MIA3: variants seen among roughly 807,000 people sequenced by gnomAD.
MIA3 encodes the protein MIA SH3 domain ER export factor 3.
MIA3 carries 90 observed loss-of-function variants against 192.4 expected under a neutral mutation model. The observed-to-expected ratio is 0.47, with a 90% CI of 0.39 to 0.56. The LOEUF (loss-of-function observed/expected upper bound fraction) is 0.56, where lower values mean the gene tolerates loss of function less well. MIA3 is among the 20% of genes least tolerant of loss of function. The pLI is 0.00. For synonymous variants in MIA3, 740 were observed against 792.8 expected (o/e 0.93, Z 1.12); for missense variants, 2,123 against 2,269.4 (o/e 0.94, Z 1.31).
intron 24 of MIA3, 77 bp from the exon 25 acceptor site, chr1:222,661,979 C>CTT (rs1664036857): frequency 1.7e-6 from 2 of 1,181,892 alleles, no homozygotes; most frequent in Admixed American, 2.2e-5. Context: ...CCAGATAAGA[C>CTT]TTGAACCCTG....
intron 6 of MIA3, among the ~76,000 whole-genome samples, chr1:222,635,285 C>A (rs895833123): frequency 2.6e-5 from 4 of 152,128 alleles, no homozygotes; most frequent in Admixed American, 2.6e-4. Context: ...AGAAGGAATT[C>A]TTTATTCATT....
chr1:222,636,231 C>G (rs968125989), intron 6 of MIA3, among the ~76,000 whole-genome samples: 2 of 152,076 alleles, frequency 1.3e-5, no homozygotes, highest in African/African-American at 4.8e-5. Flanking sequence ...AATTGTAATT[C>G]CTGATGATTA....
At chr1:222,646,050 G>A (rs1333648693) in intron 7 of MIA3, 1 of 180,252 alleles carries the variant, frequency 5.5e-6, no homozygotes, top group Non-Finnish European at 1.2e-5. Context: ...TTCATGATGT[G>A]TATGATAAGC....
intron 6 of MIA3, chr1:222,644,231 C>CCTCGG: frequency 7.9e-7 from 1 of 1,260,096 alleles, no homozygotes; most frequent in Non-Finnish European, 1.0e-6. Flanking sequence ...TAGTTGGTTC[C>CCTCGG]GTCCGCTCTG....
At chr1:222,647,900 G>T in intron 7 of MIA3, 2 of 366,640 alleles carry the variant, frequency 5.5e-6, no homozygotes, top group East Asian at 8.1e-5. Context: ...TTAGATACTG[G>T]AATTATTATG....
chr1:222,645,740 A>C (rs1398437788), intron 7 of MIA3, 55 bp downstream of exon 7: 1 of 1,498,392 alleles, frequency 6.7e-7, no homozygotes, highest in Non-Finnish European at 9.2e-7. Flanking sequence ...TTTTATAATC[A>C]CAGTCCTTTT....
Position 222,666,635 on chromosome 1 carries a change from G to A in MIA3, c.*1016G>A, listed in dbSNP as rs1664300472. On this transcript the variant is annotated 3_prime_UTR_variant, in exon 28 of 28. Coordinates refer to ENST00000344922, the MANE Select transcript of MIA3 (RefSeq NM_198551.4). ...CCATGAGAAAGAATGATTTAGGACT[G>A]TGAGGGTTATAACATGCCCTAGGTC... is the stretch of plus-strand genomic sequence containing the variant. The A allele has an allele frequency of 7.1e-6, 1 of 139,876 alleles. No individual in the cohort carries two copies. Among genetic ancestry groups the A allele is most frequent in the South Asian group, 2.2e-4 (1 of 4,474 alleles). The allele number at this position is 139,876 out of a possible 1,614,324, so 8.7% of individuals were successfully genotyped here. A position where few individuals can be genotyped will look rare whatever the true frequency, so the allele number is the denominator to read the frequency against.
Position 222,632,221 on chromosome 1 carries a change from G to A in MIA3, c.3226G>A (p.Val1076Met), listed in dbSNP as rs751376016. The change falls in exon 5 of 28, where the codon GTG (valine) becomes ATG (methionine). Residue 1076 changes from valine (V) to methionine (M), a missense_variant. Coordinates refer to ENST00000344922, the MANE Select transcript of MIA3 (RefSeq NM_198551.4). The stretch of plus-strand genomic sequence containing the variant: ...ACGAGAGAAGACAGCAGAACTTAAT[G>A]TGCAGGTTCCTGAAGAACCCACCCA... Reference protein sequence around the residue: ...FSREKTAELNVQVPEEPTHLD... With the variant: ...FSREKTAELNMQVPEEPTHLD... The A allele has an allele frequency of 3.7e-6, 6 of 1,614,180 alleles. No homozygotes were observed. In the Admixed American group the frequency reaches 6.7e-5, roughly 18 times the overall value.
chr1:222,660,246 C>A lies in MIA3; in HGVS notation c.5045C>A (p.Thr1682Lys). The A allele has an allele frequency of 6.2e-7, 1 of 1,613,646 alleles. No homozygotes were observed. The highest frequency in any genetic ancestry group is 8.5e-7 in the Non-Finnish European group (1 of 1,179,528). The change falls in exon 24 of 28, where the codon ACA becomes AAA. Residue 1682 changes from threonine (T) to lysine (K), a missense_variant. Physicochemically the swap from Thr to Lys is moderately conservative, Grantham distance 78 (BLOSUM62 -1). Around this residue, in one of 3 missense-constraint regions of MIA3, gnomAD observed 762 missense variants for 856.4 expected, o/e 0.89. Coordinates refer to ENST00000344922, the MANE Select transcript of MIA3 (RefSeq NM_198551.4). Reference protein sequence around the residue: ...VSGGECSPPLTVEPPVRPLSA... With the variant: ...VSGGECSPPLKVEPPVRPLSA... ...GGTGGAGAATGCTCCCCTCCATTGA[C>A]AGTGGAGCCACCCGTGAGACCTCTC...
chr1:222,625,657 C>T (rs1032535217), intron 3 of MIA3, among the ~76,000 whole-genome samples: 57 of 152,338 alleles, frequency 3.7e-4, no homozygotes, highest in African/African-American at 1.3e-3. Context: ...GCGCTAACTA[C>T]ACATTCTGTA....
At chr1:222,624,390 C>A (rs751736800) in intron 2 of MIA3, among the ~76,000 whole-genome samples, 2 of 152,190 alleles carry the variant, frequency 1.3e-5, no homozygotes, top group Non-Finnish European at 2.9e-5. Context: ...TAGTTCGTAG[C>A]CACCTCCTCT....
At chr1:222,650,427 ATTAT>A in intron 9 of MIA3, 47 bp downstream of exon 9, 1 of 1,051,014 alleles carries the variant, frequency 9.5e-7, no homozygotes, top group South Asian at 1.4e-5. Context: ...CCCAGCTTGA[ATTAT>A]TTGTCACCTA....
chr1:222,633,873 C>T (rs1194658753), intron 6 of MIA3, among the ~76,000 whole-genome samples: 1 of 151,554 alleles, frequency 6.6e-6, no homozygotes, highest in African/African-American at 2.4e-5. Flanking sequence ...TAAATTGAGA[C>T]AGGGTCTTGC....
chr1:222,659,912 A>G lies in MIA3; in HGVS notation c.4881A>G (p.Leu1627=), dbSNP rs1310637925. ...TTCTTTCTCTATATTCAAGATTATTAGAATTAACACAAAAGATGGCAATGC... is the reference window on the plus strand; with the variant it reads ...TTCTTTCTCTATATTCAAGATTATTGGAATTAACACAAAAGATGGCAATGC... ...REAANLRHKL[L]ELTQKMAMLQ... is the part of the protein sequence containing the mutation. Residue 1627 remains leucine (L), a synonymous_variant, in exon 23 of 28, where the codon TTA becomes TTG. Transcript: ENST00000344922. 4 of 1,611,642 alleles carry G rather than the reference A, an allele frequency of 2.5e-6. No homozygotes were observed. The African/African-American group carries it at 5.3e-5, about 22-fold the overall frequency.
chr1:222,641,876 C>T (rs981331746), intron 6 of MIA3: 1 of 466,276 alleles, frequency 2.1e-6, no homozygotes, highest in Admixed American at 2.4e-5. Context: ...TTTATAAAAG[C>T]CTAAAACTGG....
chr1:222,629,981 G>A lies in MIA3; in HGVS notation c.2761G>A (p.Glu921Lys). Residue 921 changes from glutamate (E) to lysine (K), a missense_variant, in exon 4 of 28, where the codon GAG becomes AAG. Physicochemically the swap from Glu to Lys is moderately conservative, Grantham distance 56. This residue lies in a region of MIA3 where 1,357 missense variants were observed against 1,396.1 expected (regional missense o/e 0.97). Transcript: ENST00000344922. ...SVEPGHSDKR[E>K]DLLIISSFFK... ...AGAGCCAGGGCATAGTGACAAGAGG[G>A]AGGACTTACTTATCATAAGCAGCTT... 1 of 1,613,968 alleles carries A rather than the reference G, an allele frequency of 6.2e-7. No individual in the cohort carries two copies.
chr1:222,648,516 C>T (rs1171086512), intron 7 of MIA3, among the ~76,000 whole-genome samples: 1 of 151,992 alleles, frequency 6.6e-6, no homozygotes, highest in African/African-American at 2.4e-5. Flanking sequence ...AAATATTAGC[C>T]ATTTCTGTTA....
At chr1:222,621,094 C>A in intron 1 of MIA3, 65 bp from the exon 2 acceptor site, 2 of 1,334,588 alleles carry the variant, frequency 1.5e-6, no homozygotes, top group Admixed American at 2.5e-5. Context: ...CCTGATAAAT[C>A]AATATGCACT....
chr1:222,641,085 AG>A (rs1277475850), intron 6 of MIA3, among the ~76,000 whole-genome samples: 1 of 152,238 alleles, frequency 6.6e-6, no homozygotes, highest in Non-Finnish European at 1.5e-5. Context: ...GAAGATGTGG[AG>A]GAAATGGAAG....
Sources: gnomAD v4.1 joint callset for allele counts (sites outside exome capture counted in the v4.1 genomes callset) on GRCh38, gnomAD v4.1.1 for gene constraint, gnomAD v4.1.1 regional missense constraint, MANE v1.5 for transcripts, NCBI Gene and HGNC (gene_info 2026-07-23, HGNC 2026-07-21) for gene names.